The following PDK3 variants were observed in gnomAD, a reference collection of about 807,000 sequenced individuals.
PDK3 encodes the protein pyruvate dehydrogenase kinase, isozyme 3.
A neutral mutation model predicts 32.0 loss-of-function variants in PDK3; 12 were observed. The ratio of observed to expected loss-of-function variants is 0.37; its 90% CI spans 0.24 to 0.61. PDK3 has a LOEUF of 0.61. PDK3 is among the 20% of genes least tolerant of loss of function. PDK3 has a pLI of 0.65. For missense variants in PDK3, 188 were observed against 316.9 expected (o/e 0.59, Z 3.09); for synonymous variants, 122 against 116.3 (o/e 1.05, Z -0.31).
chrX:24,509,489 AAC>A (rs1922066686), intron 5 of PDK3, among the ~76,000 whole-genome samples: 1 of 110,543 alleles, frequency 9.0e-6, no homozygotes, highest in South Asian at 3.9e-4. Flanking sequence ...CTCTTCCCCC[AAC>A]ACACACATAC....
chrX:24,506,022 C>T (rs1406949276), intron 5 of PDK3, among the ~76,000 whole-genome samples: 1 of 111,479 alleles, frequency 9.0e-6, no homozygotes, highest in Non-Finnish European at 1.9e-5. Context: ...CTTCTTTAAA[C>T]GCTCACCTCC....
Position 24,496,568 on chromosome X carries a change from C to CTTTTTTTTTTTTTTTTTTTTTTTTT in PDK3, c.248+1708_248+1709insTTTTTTTTTTTTTTTTTTTTTTTTT. Among the ~76,000 whole-genome samples the CTTTTTTTTTTTTTTTTTTTTTTTTT allele has an allele frequency of 1.6e-3, 63 of 39,318 alleles. 5 individuals are homozygous for CTTTTTTTTTTTTTTTTTTTTTTTTT. Among genetic ancestry groups the CTTTTTTTTTTTTTTTTTTTTTTTTT allele is most frequent in the South Asian group, 2.0e-3 (1 of 511 alleles). The allele number at this position is 39,318 out of a possible 115,157, so 34.1% of individuals were successfully genotyped here. A position where few individuals can be genotyped will look rare whatever the true frequency, so the allele number is the denominator to read the frequency against. On this transcript the variant is annotated intron_variant, in intron 2 of 10. Coordinates refer to ENST00000379162, the MANE Select transcript of PDK3 (RefSeq NM_005391.5). ...CTAATTGTCCTGATACTACCCCCAT[C>CTTTTTTTTTTTTTTTTTTTTTTTTT]TTTTTTTTTTTTTTTTTTTTTTTGC...
intron 5 of PDK3, among the ~76,000 whole-genome samples, chrX:24,511,192 G>A (rs1348486740): frequency 8.9e-6 from 1 of 112,189 alleles, no homozygotes; most frequent in East Asian, 2.8e-4. Context: ...GCCAAGGAAG[G>A]GAAGAAATGG....
At chrX:24,481,614 TC>T (rs765695831) in intron 1 of PDK3, among the ~76,000 whole-genome samples, 13 of 111,155 alleles carry the variant, frequency 1.2e-4, no homozygotes, top group Non-Finnish European at 2.3e-4. Flanking sequence ...GGGGCAGATT[TC>T]CCCCTTGCTG....
At position 24,502,769 on chromosome X, in the gene PDK3, G is replaced by A. The variant is rs770330632; in HGVS notation, c.321-558G>A. Among the ~76,000 whole-genome samples the A allele has an allele frequency of 3.6e-4, 40 of 109,937 alleles. 1 individual carries two copies. The South Asian group carries it at 0.015, about 41-fold the overall frequency. On this transcript the variant is annotated intron_variant, in intron 3 of 10. Coordinates refer to ENST00000379162, the MANE Select transcript of PDK3 (RefSeq NM_005391.5). The stretch of plus-strand genomic sequence containing the variant: ...TGAGGCAGAAGAATTGCTTGAACCC[G>A]CGAGGTGGAGGTTGCAGTGAGCCGA...
intron 9 of PDK3, among the ~76,000 whole-genome samples, chrX:24,531,293 C>T (rs1316378751): frequency 8.9e-6 from 1 of 111,802 alleles, no homozygotes; most frequent in Non-Finnish European, 1.9e-5. Context: ...TTCCTGACCT[C>T]AAGTGATCCA....
exon 12 of PDK3, chrX:24,547,413 A>G (rs1364173694): frequency 8.9e-6 from 1 of 112,102 alleles, no homozygotes; most frequent in Non-Finnish European, 1.9e-5. Flanking sequence ...ATATTCATCT[A>G]TGGAGAGGGT....
intron 1 of PDK3, among the ~76,000 whole-genome samples, 177 bp downstream of exon 1, chrX:24,465,738 C>G (rs1416786276): frequency 9.0e-6 from 1 of 111,553 alleles, no homozygotes; most frequent in East Asian, 2.9e-4. Context: ...GCCTGGCCCC[C>G]TCGCACCCAG....
At chrX:24,489,617 G>A (rs1321905117) in intron 1 of PDK3, among the ~76,000 whole-genome samples, 10 of 100,608 alleles carry the variant, frequency 9.9e-5, no homozygotes, top group African/African-American at 3.7e-4. Context: ...CCCAGGAGGC[G>A]TAGGTTGCAG....
At position 24,472,090 on chromosome X, in the gene PDK3, G is replaced by T. The variant is rs752449368; in HGVS notation, c.106+6529G>T. On this transcript the variant is annotated intron_variant, in intron 1 of 10. Coordinates refer to ENST00000379162, the MANE Select transcript of PDK3 (RefSeq NM_005391.5). Reference sequence around the variant, plus strand: ...CATTTGTAATTTTCTGTTGCTTTCTGTTTTTAATACCTCAGTTTTCCTATG... The same window carrying T: ...CATTTGTAATTTTCTGTTGCTTTCTTTTTTTAATACCTCAGTTTTCCTATG... 1.3e-4 allele frequency among the ~76,000 whole-genome samples: 14 copies of T among 111,664 alleles called. No individual in the cohort carries two copies. The South Asian group carries it at 5.2e-3, about 41-fold the overall frequency.
chrX:24,468,086 C>T (rs781418386), intron 1 of PDK3, among the ~76,000 whole-genome samples: 15 of 111,582 alleles, frequency 1.3e-4, no homozygotes, highest in African/African-American at 4.6e-4. Flanking sequence ...TAGACAGGGA[C>T]CAGAGAAAGG....
At chrX:24,539,176 C>A, downstream of PDK3, 1 of 1,082,903 alleles carries the variant, frequency 9.2e-7, no homozygotes, top group Non-Finnish European at 1.3e-6. Context: ...GGACTGAATG[C>A]TGTGGTCCTC....
downstream of PDK3, among the ~76,000 whole-genome samples, chrX:24,535,913 AAAAG>A (rs201335706): frequency 0.029 from 3,068 of 105,975 alleles, 59 homozygotes; most frequent in Non-Finnish European, 0.048. Flanking sequence ...AAAAAAAAAA[AAAAG>A]AAAGAAAAGA....
intron 1 of PDK3, among the ~76,000 whole-genome samples, chrX:24,493,941 C>T (rs922948251): frequency 1.8e-5 from 2 of 111,992 alleles, no homozygotes; most frequent in African/African-American, 6.5e-5. Flanking sequence ...CTCTTCCTGC[C>T]ACATGACAGC....
Position 24,503,336 on chromosome X carries a change from A to T in PDK3, c.330A>T (p.Gln110His), listed in dbSNP as rs751628881. 2 of 1,200,264 alleles carry T rather than the reference A, an allele frequency of 1.7e-6. No individual in the cohort carries two copies. Among genetic ancestry groups the T allele is most frequent in the Non-Finnish European group, 2.2e-6 (2 of 889,596 alleles). Reference sequence around the variant, plus strand: ...TTTCCCTCTCACACAGCTTTCTACAAGTTCTGATTAAAGTCAGAAATAGAC... The same window carrying T: ...TTTCCCTCTCACACAGCTTTCTACATGTTCTGATTAAAGTCAGAAATAGAC... ...EDPQVLDNFL[Q>H]VLIKVRNRHN... Residue 110 changes from glutamine (Q) to histidine (H), a missense_variant, in exon 4 of 11, where the codon CAA (glutamine) becomes CAT (histidine). By Grantham distance (24) the Gln-to-His change is conservative (BLOSUM62 0). Coordinates refer to ENST00000379162, the MANE Select transcript of PDK3 (RefSeq NM_005391.5).
At chrX:24,527,394 T>C (rs1015098099) in intron 7 of PDK3, among the ~76,000 whole-genome samples, 180 bp from the exon 8 acceptor site, 11 of 111,223 alleles carry the variant, frequency 9.9e-5, no homozygotes, top group Non-Finnish European at 1.7e-4. Context: ...GTCAGGAAAT[T>C]TTTCCTTGAT....
At chrX:24,523,598 G>A (rs1922450363) in intron 6 of PDK3, among the ~76,000 whole-genome samples, 1 of 112,496 alleles carries the variant, frequency 8.9e-6, no homozygotes, top group Admixed American at 9.4e-5. Context: ...AGCATGGAGG[G>A]ATGACGGGAG....
chrX:24,530,602 G>A (rs774024517), intron 9 of PDK3, among the ~76,000 whole-genome samples: 17 of 111,025 alleles, frequency 1.5e-4, no homozygotes, highest in Non-Finnish European at 2.6e-4. Context: ...ATGGTCCCCT[G>A]CCCTCCTTCC....
chrX:24,478,994 A>T (rs1921182053), intron 1 of PDK3, among the ~76,000 whole-genome samples: 1 of 112,290 alleles, frequency 8.9e-6, no homozygotes, highest in African/African-American at 3.2e-5. Context: ...TGGCCAGAAA[A>T]CAGTAGGGCC....
Sources: allele counts gnomAD v4.1 joint callset (sites outside exome capture counted in the v4.1 genomes callset), GRCh38; gene constraint gnomAD v4.1.1; transcripts MANE v1.5; gene names NCBI Gene and HGNC (gene_info 2026-07-23, HGNC 2026-07-21).